ERBB4: variants seen among roughly 807,000 people sequenced by gnomAD.
ERBB4 encodes erb-b2 receptor tyrosine kinase 4.
ERBB4 carries 42 observed loss-of-function variants against 158.0 expected under a neutral mutation model. The observed-to-expected ratio is 0.27, with a 90% CI of 0.21 to 0.34. The LOEUF (loss-of-function observed/expected upper bound fraction) is 0.34. Ranked by LOEUF, ERBB4 falls within the 10% of genes least tolerant of loss-of-function variation. ERBB4 has a pLI of 1.00. For synonymous variants in ERBB4, 583 were observed against 558.7 expected, an observed-to-expected ratio of 1.04 and a Z score of -0.61; for missense variants, 1,333 against 1,624.1, an observed-to-expected ratio of 0.82 and a Z score of 3.08.
chr2:211,911,743 A>G (rs2079545056), intron 3 of ERBB4, among the ~76,000 whole-genome samples: 1 of 152,066 alleles, frequency 6.6e-6, no homozygotes, highest in African/African-American at 2.4e-5. Flanking sequence ...GGTTACAGAG[A>G]CTGGGGGTTG....
chr2:211,585,950 T>C (rs1213469784), intron 19 of ERBB4, among the ~76,000 whole-genome samples: 9 of 152,318 alleles, frequency 5.9e-5, no homozygotes, highest in Admixed American at 5.9e-4. Flanking sequence ...GGGATTATCA[T>C]TTTACTTGAA....
At chr2:211,641,269 T>C (rs2070575220) in intron 16 of ERBB4, among the ~76,000 whole-genome samples, 1 of 152,132 alleles carries the variant, frequency 6.6e-6, no homozygotes, top group Admixed American at 6.6e-5. Context: ...CTACTTCCTC[T>C]CCCTGTCCCT....
intron 20 of ERBB4, among the ~76,000 whole-genome samples, chr2:211,471,944 C>A (rs73067288): frequency 6.6e-6 from 1 of 152,044 alleles, no homozygotes; most frequent in Non-Finnish European, 1.5e-5. Flanking sequence ...GAATTGAAGA[C>A]CAGCCTGAGC....
At chr2:211,460,563 T>C (rs1166546687) in intron 20 of ERBB4, among the ~76,000 whole-genome samples, 2 of 152,160 alleles carry the variant, frequency 1.3e-5, no homozygotes, top group East Asian at 3.8e-4. Context: ...CAAATCAACA[T>C]AATTTGCCAG....
chr2:212,232,661 G>A (rs562762424), intron 1 of ERBB4, among the ~76,000 whole-genome samples: 4 of 152,292 alleles, frequency 2.6e-5, no homozygotes, highest in Admixed American at 2.6e-4. Context: ...GCCTGCCTCG[G>A]CTTCCCAAAG....
intron 3 of ERBB4, among the ~76,000 whole-genome samples, chr2:211,836,832 T>C (rs16846940): frequency 0.16 from 24,874 of 151,786 alleles, 2,726 homozygotes; most frequent in African/African-American, 0.31. Context: ...GAAAAGATTA[T>C]ATGAAATGAG....
At chr2:211,682,046 C>T (rs1476214854) in intron 12 of ERBB4, among the ~76,000 whole-genome samples, 2 of 87,954 alleles carry the variant, frequency 2.3e-5, no homozygotes, top group African/African-American at 9.2e-5. Context: ...ACATTTTATA[C>T]ACATCACACA....
intron 16 of ERBB4, among the ~76,000 whole-genome samples, chr2:211,634,016 G>T (rs1305184636): frequency 2.0e-5 from 3 of 152,170 alleles, no homozygotes; most frequent in African/African-American, 7.2e-5. Flanking sequence ...AAAATCAGCT[G>T]GGCGTGGTGG....
At chr2:211,522,970 G>A (rs2066228972) in intron 20 of ERBB4, among the ~76,000 whole-genome samples, 1 of 151,514 alleles carries the variant, frequency 6.6e-6, no homozygotes, top group South Asian at 2.1e-4. Flanking sequence ...CCTATACTTG[G>A]TAACTTAAGA....
chr2:211,466,548 T>C (rs895969399), intron 20 of ERBB4, among the ~76,000 whole-genome samples: 2 of 152,068 alleles, frequency 1.3e-5, no homozygotes, highest in African/African-American at 2.4e-5. Flanking sequence ...TCCAACAACA[T>C]TGCAAATTTA....
chr2:212,139,087 G>A (rs1391805703), intron 1 of ERBB4, among the ~76,000 whole-genome samples: 3 of 151,996 alleles, frequency 2.0e-5, no homozygotes, highest in Admixed American at 6.6e-5. Flanking sequence ...TATCCTATTC[G>A]TGGGCTTTAT....
intron 2 of ERBB4, among the ~76,000 whole-genome samples, chr2:212,058,130 T>C (rs1575578826): frequency 6.6e-6 from 1 of 152,182 alleles, no homozygotes. Context: ...CCCACAGAAA[T>C]ACAAACTACC....
chr2:211,881,926 A>G (rs546280263), intron 3 of ERBB4, among the ~76,000 whole-genome samples: 249 of 152,270 alleles, frequency 1.6e-3, no homozygotes, highest in African/African-American at 5.7e-3. Context: ...GGGGATGCTC[A>G]AGGCATTTTA....
chr2:212,003,085 AAG>A (rs2076145027), intron 2 of ERBB4, among the ~76,000 whole-genome samples: 1 of 115,706 alleles, frequency 8.6e-6, no homozygotes, highest in Non-Finnish European at 1.9e-5. Flanking sequence ...GAGAGAGAGA[AAG>A]AGAGACAGAG....
chr2:211,598,130 C>A (rs1339074208), intron 19 of ERBB4, among the ~76,000 whole-genome samples: 1 of 152,054 alleles, frequency 6.6e-6, no homozygotes, highest in East Asian at 1.9e-4. Context: ...CCAAGAGAGG[C>A]TCCAGAGCTT....
chr2:211,448,004 G>A (rs952476907), intron 20 of ERBB4, among the ~76,000 whole-genome samples: 5 of 151,920 alleles, frequency 3.3e-5, no homozygotes, highest in Admixed American at 6.6e-5. Context: ...ACAGAGTCTC[G>A]CTCTGTCACC....
intron 20 of ERBB4, among the ~76,000 whole-genome samples, chr2:211,502,935 T>C (rs945910772): frequency 2.6e-4 from 40 of 151,912 alleles, no homozygotes; most frequent in Non-Finnish European, 4.0e-4. Flanking sequence ...TCAAACAGAT[T>C]TATTGAAAGA....
At chr2:211,649,989 A>G (rs1007501043) in intron 16 of ERBB4, among the ~76,000 whole-genome samples, 9 of 152,014 alleles carry the variant, frequency 5.9e-5, no homozygotes, top group Non-Finnish European at 1.3e-4. Context: ...TGAAAAAATG[A>G]TTAATTAGGG....
At chr2:212,377,923 T>C (rs969737541) in intron 1 of ERBB4, among the ~76,000 whole-genome samples, 1 of 151,882 alleles carries the variant, frequency 6.6e-6, no homozygotes, top group Non-Finnish European at 1.5e-5. Flanking sequence ...TTTTCTTTCT[T>C]TATATCCTTC....
Sources: allele counts gnomAD v4.1 joint callset (sites outside exome capture counted in the v4.1 genomes callset), GRCh38; gene constraint gnomAD v4.1.1; transcripts MANE v1.5; gene names NCBI Gene and HGNC (gene_info 2026-07-23, HGNC 2026-07-21).